KIFAP3: variants seen among roughly 807,000 people sequenced by gnomAD.
The protein encoded by KIFAP3 is kinesin associated protein 3.
Under a neutral mutation model 106.5 loss-of-function variants are expected in KIFAP3, and 68 were observed. The ratio of observed to expected loss-of-function variants is 0.64; its 90% CI spans 0.53 to 0.78. KIFAP3 has a LOEUF of 0.78. Ranked by LOEUF, KIFAP3 falls within the 30% of genes least tolerant of loss-of-function variation. The pLI is 0.00. For missense variants in KIFAP3, 780 were observed against 941.8 expected (o/e 0.83, Z 2.25); for synonymous variants, 320 against 311.5 (o/e 1.03, Z -0.29).
chr1:170,082,601 T>C (rs1672038001), intron 1 of KIFAP3, among the ~76,000 whole-genome samples: 1 of 152,252 alleles, frequency 6.6e-6, no homozygotes, highest in Non-Finnish European at 1.5e-5. Flanking sequence ...TATAAATTAT[T>C]TCCTAATGTG....
chr1:170,066,221 G>T (rs1172897104), intron 1 of KIFAP3, among the ~76,000 whole-genome samples: 1 of 137,542 alleles, frequency 7.3e-6, no homozygotes. Flanking sequence ...TGCATTATGT[G>T]TACATACCTT....
intron 14 of KIFAP3, 87 bp from the exon 15 acceptor site, chr1:169,982,184 G>A (rs1173232962): frequency 3.8e-6 from 5 of 1,314,990 alleles, no homozygotes; most frequent in Non-Finnish European, 5.3e-6. Flanking sequence ...ACACAGAAAG[G>A]ATACTGAAAG....
chr1:170,046,474 C>T (rs1670263104), intron 3 of KIFAP3, among the ~76,000 whole-genome samples: 1 of 151,980 alleles, frequency 6.6e-6, no homozygotes, highest in Non-Finnish European at 1.5e-5. Flanking sequence ...TGTATGTGTA[C>T]ACACACAAAA....
At chr1:170,014,039 T>C (rs1668383498) in intron 10 of KIFAP3, among the ~76,000 whole-genome samples, 1 of 152,142 alleles carries the variant, frequency 6.6e-6, no homozygotes, top group African/African-American at 2.4e-5. Context: ...ATATATCCCT[T>C]CTGCCCTTTC....
chr1:170,064,923 G>A (rs1012489511), intron 1 of KIFAP3, among the ~76,000 whole-genome samples: 4 of 152,156 alleles, frequency 2.6e-5, no homozygotes, highest in Non-Finnish European at 4.4e-5. Flanking sequence ...CATTCAGCCT[G>A]CAATTTTCCT....
upstream of KIFAP3, among the ~76,000 whole-genome samples, chr1:170,078,631 A>G (rs1274194293): frequency 6.6e-6 from 1 of 152,198 alleles, no homozygotes; most frequent in Non-Finnish European, 1.5e-5. Context: ...AGAAAATGTT[A>G]AAGCTCTTTA....
At chr1:169,987,444 T>G (rs1666884971) in intron 11 of KIFAP3, among the ~76,000 whole-genome samples, 1 of 151,988 alleles carries the variant, frequency 6.6e-6, no homozygotes, top group South Asian at 2.1e-4. Context: ...GCTCTCTGTA[T>G]TCACATATAA....
At position 169,981,642 on chromosome 1, in the gene KIFAP3, A is replaced by C. The variant is rs111398229; in HGVS notation, c.1798+330T>G. On this transcript the variant is annotated intron_variant, in intron 15 of 19. Coordinates refer to ENST00000361580, the MANE Select transcript of KIFAP3 (RefSeq NM_014970.4). ...TTTGATAGTATCTGTAGTTTCAGGC[A>C]TCTGCTGGGGGTCTTGGAATGTATT... 2.8e-4 allele frequency among the ~76,000 whole-genome samples: 42 copies of C among 152,300 alleles called. 1 individual carries two copies. The highest frequency in any genetic ancestry group is 7.2e-4 in the African/African-American group (30 of 41,574).
intron 17 of KIFAP3, among the ~76,000 whole-genome samples, chr1:169,962,860 C>T (rs1234135906): frequency 2.0e-5 from 3 of 152,234 alleles, no homozygotes; most frequent in African/African-American, 7.2e-5. Context: ...TATATAGCTG[C>T]TCCCTTTCAA....
At chr1:169,983,923 T>C (rs543907852) in intron 12 of KIFAP3, among the ~76,000 whole-genome samples, 6 of 151,948 alleles carry the variant, frequency 3.9e-5, no homozygotes, top group South Asian at 2.1e-4. Context: ...AATTCTTTAA[T>C]AGACAATTTT....
chr1:170,079,439 C>T (rs1671979667), upstream of KIFAP3, among the ~76,000 whole-genome samples: 1 of 152,078 alleles, frequency 6.6e-6, no homozygotes, highest in South Asian at 2.1e-4. Context: ...AACAAAGACA[C>T]ATATTAACAA....
chr1:169,952,545 G>A (rs949395503), intron 19 of KIFAP3, among the ~76,000 whole-genome samples: 4 of 151,982 alleles, frequency 2.6e-5, no homozygotes. Flanking sequence ...TTCTTTTAAT[G>A]TGGGTTGTGA....
intron 19 of KIFAP3, among the ~76,000 whole-genome samples, chr1:169,943,941 G>A (rs1164223840): frequency 1.3e-5 from 2 of 152,194 alleles, no homozygotes; most frequent in South Asian, 2.1e-4. Context: ...TTCGGGTTAC[G>A]TTTTAAATTT....
At chr1:170,082,880 T>C (rs1672042414) in intron 1 of KIFAP3, among the ~76,000 whole-genome samples, 1 of 151,990 alleles carries the variant, frequency 6.6e-6, no homozygotes, top group South Asian at 2.1e-4. Flanking sequence ...GGCTGAGGCA[T>C]GAGAATCGCC....
intron 10 of KIFAP3, among the ~76,000 whole-genome samples, chr1:169,995,462 T>C (rs1047213629): frequency 2.0e-5 from 3 of 152,158 alleles, no homozygotes; most frequent in African/African-American, 7.2e-5. Flanking sequence ...GGATAAGTCC[T>C]AGTCTTACTT....
At chr1:170,020,692 T>C (rs1490596367) in intron 9 of KIFAP3, among the ~76,000 whole-genome samples, 1 of 124,458 alleles carries the variant, frequency 8.0e-6, no homozygotes, top group Non-Finnish European at 1.8e-5. Context: ...TCGTGATCCA[T>C]GCAAAGGCAA....
chr1:169,932,440 C>A (rs2101787883), intron 19 of KIFAP3, among the ~76,000 whole-genome samples: 1 of 152,050 alleles, frequency 6.6e-6, no homozygotes, highest in South Asian at 2.1e-4. Context: ...AGTTTAAGTG[C>A]CAACCAGAAT....
At chr1:169,978,772 T>C (rs965572985) in intron 15 of KIFAP3, among the ~76,000 whole-genome samples, 23 of 152,262 alleles carry the variant, frequency 1.5e-4, no homozygotes, top group Middle Eastern at 3.4e-3. Flanking sequence ...TTTAATAGTA[T>C]AGTTTGCTAT....
Position 169,990,721 on chromosome 1 carries a change from T to C in KIFAP3, c.1284+1434A>G, listed in dbSNP as rs7552035. 9.1e-3 allele frequency among the ~76,000 whole-genome samples: 1,383 copies of C among 152,094 alleles called. 31 individuals are homozygous for C. Among genetic ancestry groups the C allele is most frequent in the African/African-American group, 0.032 (1,338 of 41,526 alleles). ...CTCTACCCTTATAACATACAGTCCA[T>C]GTTACAAAAAAAATCAATAAACTCC... is the stretch of plus-strand genomic sequence containing the variant. On this transcript the variant is annotated intron_variant, in intron 11 of 19. Coordinates refer to ENST00000361580, the MANE Select transcript of KIFAP3 (RefSeq NM_014970.4).
Sources: gnomAD v4.1 joint callset for allele counts (sites outside exome capture counted in the v4.1 genomes callset) on GRCh38, gnomAD v4.1.1 for gene constraint, MANE v1.5 for transcripts, NCBI Gene and HGNC (gene_info 2026-07-23, HGNC 2026-07-21) for gene names.